ME3: variants seen among roughly 807,000 people sequenced by gnomAD.
ME3 encodes NADP-dependent malic enzyme, mitochondrial.
In ME3, 48 loss-of-function variants were observed where a neutral mutation model predicts 68.9. That is an observed-to-expected ratio of 0.70 (90% confidence interval 0.55 to 0.89). The LOEUF is 0.89. Ranked by LOEUF, ME3 falls within the 40% of genes least tolerant of loss-of-function variation. The pLI is 0.00. For synonymous variants in ME3, 320 were observed against 318.8 expected, an observed-to-expected ratio of 1.00 and a Z score of -0.04; for missense variants, 675 against 797.4, an observed-to-expected ratio of 0.85 and a Z score of 1.85.
In ME3 at chr11:86,661,709, T is replaced by C. The variant is rs147686730; in HGVS notation, c.183+10053A>G. 8.8e-3 allele frequency among the ~76,000 whole-genome samples: 1,338 copies of C among 152,330 alleles called. 26 individuals carry two copies. The highest frequency in any genetic ancestry group is 0.03 in the African/African-American group (1,253 of 41,576). The stretch of plus-strand genomic sequence containing the variant: ...TGGAAGTGTTTCTGCACCTCTCTTC[T>C]GTGCTTCCATAGCACTTGTATGAAT... On this transcript the variant is annotated intron_variant, in intron 2 of 14. Coordinates refer to ENST00000543262, the Ensembl canonical transcript of ME3.
At chr11:86,564,965 C>G (rs1957407565) in intron 2 of ME3, among the ~76,000 whole-genome samples, 2 of 151,984 alleles carry the variant, frequency 1.3e-5, no homozygotes, top group African/African-American at 4.8e-5. Context: ...GTTTAATATC[C>G]AGAATATACA....
At chr11:86,473,328 G>A (rs184320045) in intron 7 of ME3, among the ~76,000 whole-genome samples, 6 of 152,302 alleles carry the variant, frequency 3.9e-5, no homozygotes, top group African/African-American at 9.6e-5. Flanking sequence ...GGTGACCTTC[G>A]CAGACCACTT....
intron 2 of ME3, among the ~76,000 whole-genome samples, chr11:86,603,971 G>A (rs1209836724): frequency 6.8e-6 from 1 of 147,992 alleles, no homozygotes; most frequent in Non-Finnish European, 1.5e-5. Context: ...GGGAGGGATA[G>A]CATTAGGAGA....
intron 5 of ME3, among the ~76,000 whole-genome samples, chr11:86,503,169 A>C (rs937493125): frequency 2.6e-5 from 4 of 152,184 alleles, no homozygotes; most frequent in African/African-American, 9.7e-5. Flanking sequence ...CCTTGTCTAT[A>C]AAATGGGGAT....
intron 2 of ME3, chr11:86,622,774 C>T (rs1353924108): frequency 6.6e-6 from 1 of 151,874 alleles, no homozygotes; most frequent in Non-Finnish European, 1.5e-5. Context: ...TGAAAGAGTT[C>T]CTTTTATTTG....
intron 2 of ME3, among the ~76,000 whole-genome samples, chr11:86,624,011 C>T (rs1288316157): frequency 6.6e-6 from 1 of 152,192 alleles, no homozygotes; most frequent in Non-Finnish European, 1.5e-5. Flanking sequence ...GGAGTATCCA[C>T]CTAACTCAAG....
At chr11:86,500,905 C>T (rs1323443302) in intron 5 of ME3, among the ~76,000 whole-genome samples, 1 of 152,112 alleles carries the variant, frequency 6.6e-6, no homozygotes, top group Non-Finnish European at 1.5e-5. Context: ...TGTCTGCTTG[C>T]CTGCCTTTCA....
At chr11:86,623,025 T>C (rs1943442546) in intron 2 of ME3, among the ~76,000 whole-genome samples, 1 of 152,202 alleles carries the variant, frequency 6.6e-6, no homozygotes, top group African/African-American at 2.4e-5. Context: ...TTTGTGATGG[T>C]TAGTTTTATG....
intron 4 of ME3, among the ~76,000 whole-genome samples, chr11:86,549,849 G>T (rs1342571125): frequency 6.6e-6 from 1 of 152,142 alleles, no homozygotes; most frequent in Admixed American, 6.6e-5. Context: ...TTGGGTGGTG[G>T]GGCTGAACAA....
At chr11:86,562,532 T>C (rs929305277) in intron 2 of ME3, among the ~76,000 whole-genome samples, 4 of 152,236 alleles carry the variant, frequency 2.6e-5, no homozygotes, top group Admixed American at 2.0e-4. Context: ...TCTGTTGCTC[T>C]ACATCCTCTC....
intron 2 of ME3, chr11:86,622,835 A>G (rs1056443258): frequency 6.6e-6 from 1 of 151,774 alleles, no homozygotes; most frequent in African/African-American, 2.4e-5. Context: ...TGAAGTTTTC[A>G]CCTATTCCCA....
exon 1 of ME3, chr11:86,672,616 C>A (rs1329061941): frequency 6.6e-6 from 1 of 152,268 alleles, no homozygotes; most frequent in African/African-American, 2.4e-5. Context: ...AGACTAAATG[C>A]ACAGAGGGGG....
At chr11:86,473,586 G>T (rs773682618) in intron 7 of ME3, among the ~76,000 whole-genome samples, 1 of 152,128 alleles carries the variant, frequency 6.6e-6, no homozygotes, top group African/African-American at 2.4e-5. Context: ...CTAGGAGGAG[G>T]TGGGGGCTAG....
At chr11:86,521,992 G>C (rs534361001) in intron 4 of ME3, among the ~76,000 whole-genome samples, 1 of 152,208 alleles carries the variant, frequency 6.6e-6, no homozygotes, top group African/African-American at 2.4e-5. Flanking sequence ...ACTCATACCT[G>C]TAATCCCAGT....
chr11:86,497,960 T>G lies in ME3; in HGVS notation c.705+3A>C. ...AGAGCTCCTGCCCTGGGCAGTGGGT[T>G]ACCTCATTGTTGGTGCCGACGTCCA... On this transcript the variant is annotated splice_donor_region_variant and intron_variant, in intron 6 of 14. Coordinates refer to ENST00000543262, the Ensembl canonical transcript of ME3. 6.3e-7 allele frequency: 1 copy of G among 1,595,770 alleles called. No homozygotes were observed.
intron 2 of ME3, among the ~76,000 whole-genome samples, chr11:86,600,402 A>C (rs917939026): frequency 2.8e-4 from 42 of 152,298 alleles, no homozygotes; most frequent in South Asian, 2.7e-3. Flanking sequence ...GAAGAGCTAA[A>C]TATCCTAAAT....
chr11:86,435,090 A>G, the ME3 span: 1 of 152,264 alleles, frequency 6.6e-6, no homozygotes, highest in Admixed American at 6.5e-5. Flanking sequence ...ATACATATTT[A>G]TAAGAGTACA....
intron 7 of ME3, among the ~76,000 whole-genome samples, chr11:86,476,200 G>C (rs1219121827): frequency 1.3e-5 from 2 of 152,136 alleles, no homozygotes; most frequent in African/African-American, 4.8e-5. Flanking sequence ...CTCCACACTT[G>C]ACCTTGCCTG....
intron 2 of ME3, among the ~76,000 whole-genome samples, chr11:86,572,648 A>G (rs570258681): frequency 2.0e-5 from 3 of 152,266 alleles, no homozygotes; most frequent in African/African-American, 7.2e-5. Context: ...CATCATATAT[A>G]TCTACCACAG....
Sources: gnomAD v4.1 joint callset for allele counts (sites outside exome capture counted in the v4.1 genomes callset) on GRCh38, gnomAD v4.1.1 for gene constraint, MANE v1.5 for transcripts, NCBI Gene and HGNC (gene_info 2026-07-23, HGNC 2026-07-21) for gene names.